The following FHIT variants were observed in gnomAD, a reference collection of about 807,000 sequenced individuals.
FHIT encodes the protein bis(5'-adenosyl)-triphosphatase.
A neutral mutation model predicts 17.9 loss-of-function variants in FHIT; 19 were observed. The ratio of observed to expected loss-of-function variants is 1.06; its 90% CI spans 0.74 to 1.56. FHIT has a LOEUF of 1.56. Among genes scored for constraint, FHIT ranks in the 40% most tolerant of loss-of-function variants. The pLI, the probability that FHIT is intolerant of heterozygous loss-of-function variation, is 0.00. For missense variants in FHIT, 248 were observed against 189.2 expected (o/e 1.31, Z -1.82); for synonymous variants, 81 against 69.7 (o/e 1.16, Z -0.81).
chr3:60,603,497 A>C (rs1340163011), intron 4 of FHIT, among the ~76,000 whole-genome samples: 1 of 151,814 alleles, frequency 6.6e-6, no homozygotes, highest in Non-Finnish European at 1.5e-5. Flanking sequence ...AACTGTTCAG[A>C]GGGTATTTCT....
intron 5 of FHIT, among the ~76,000 whole-genome samples, chr3:60,402,961 G>A (rs1559885691): frequency 1.3e-5 from 2 of 152,168 alleles, no homozygotes; most frequent in Admixed American, 6.5e-5. Context: ...CCTTTGTACA[G>A]TCATGCTCAT....
chr3:59,859,989 A>C (rs963659082), intron 8 of FHIT, among the ~76,000 whole-genome samples: 1 of 152,184 alleles, frequency 6.6e-6, no homozygotes. Flanking sequence ...AGAGTGATGG[A>C]GCATCATATC....
At chr3:60,377,390 C>T (rs890852917) in intron 5 of FHIT, among the ~76,000 whole-genome samples, 11 of 149,418 alleles carry the variant, frequency 7.4e-5, no homozygotes, top group Middle Eastern at 3.5e-3. Context: ...ATCTCTTGAC[C>T]TTGTGATCCT....
intron 4 of FHIT, among the ~76,000 whole-genome samples, chr3:60,707,204 T>C (rs1450266652): frequency 3.3e-5 from 5 of 152,164 alleles, no homozygotes. Flanking sequence ...TCTGCAAACC[T>C]TTTGCATACA....
At chr3:60,711,559 C>G (rs892106670) in intron 4 of FHIT, among the ~76,000 whole-genome samples, 1 of 152,114 alleles carries the variant, frequency 6.6e-6, no homozygotes, top group African/African-American at 2.4e-5. Context: ...ACTAGAATAA[C>G]CAATACAGAG....
intron 8 of FHIT, among the ~76,000 whole-genome samples, chr3:59,812,092 A>C (rs1194907997): frequency 2.0e-5 from 3 of 152,098 alleles, no homozygotes; most frequent in African/African-American, 7.2e-5. Flanking sequence ...TTTGATTGTC[A>C]TAACTGGTGG....
At chr3:61,130,002 CAGAA>C (rs1317788993) in intron 2 of FHIT, among the ~76,000 whole-genome samples, 1 of 152,010 alleles carries the variant, frequency 6.6e-6, no homozygotes, top group Non-Finnish European at 1.5e-5. Context: ...CTAGAAATTC[CAGAA>C]AATGTGTATT....
intron 5 of FHIT, among the ~76,000 whole-genome samples, chr3:60,103,651 A>G (rs962223137): frequency 1.3e-5 from 2 of 152,188 alleles, no homozygotes; most frequent in African/African-American, 4.8e-5. Context: ...TTACCCTTGT[A>G]CGGAGAAGGC....
At chr3:60,577,039 T>C (rs797037841) in intron 4 of FHIT, among the ~76,000 whole-genome samples, 4 of 151,906 alleles carry the variant, frequency 2.6e-5, no homozygotes, top group African/African-American at 9.7e-5. Flanking sequence ...CACCTTAAAA[T>C]AGAGATCTAA....
intron 4 of FHIT, among the ~76,000 whole-genome samples, chr3:60,713,694 C>T (rs1404757607): frequency 6.6e-6 from 1 of 152,152 alleles, no homozygotes; most frequent in African/African-American, 2.4e-5. Flanking sequence ...TGGATAAATT[C>T]CTCGACACAT....
chr3:61,098,567 T>A (rs1328515291), intron 2 of FHIT, among the ~76,000 whole-genome samples: 2 of 152,250 alleles, frequency 1.3e-5, no homozygotes, highest in African/African-American at 4.8e-5. Flanking sequence ...ATGATATTTA[T>A]TCTTCCTATC....
chr3:60,159,709 G>C (rs1280455817), intron 5 of FHIT, among the ~76,000 whole-genome samples: 5 of 152,144 alleles, frequency 3.3e-5, no homozygotes, highest in Non-Finnish European at 7.3e-5. Flanking sequence ...CTACATGGTA[G>C]ATGCTAGAAT....
chr3:60,470,730 G>T (rs1456370929), intron 5 of FHIT, among the ~76,000 whole-genome samples: 1 of 152,014 alleles, frequency 6.6e-6, no homozygotes, highest in Admixed American at 6.6e-5. Context: ...TACCCAAGCG[G>T]CAAGATAAAG....
At chr3:60,772,253 T>G (rs1443970567) in intron 4 of FHIT, among the ~76,000 whole-genome samples, 1 of 144,062 alleles carries the variant, frequency 6.9e-6, no homozygotes, top group African/African-American at 2.6e-5. Flanking sequence ...GCATCCAGAT[T>G]ATCACTGAGA....
intron 5 of FHIT, among the ~76,000 whole-genome samples, chr3:60,283,378 A>G (rs1707559934): frequency 6.6e-6 from 1 of 152,122 alleles, no homozygotes; most frequent in African/African-American, 2.4e-5. Context: ...TATCATTAAA[A>G]ATATGTAACT....
chr3:60,133,404 A>G (rs1699680962), intron 5 of FHIT, among the ~76,000 whole-genome samples: 2 of 152,160 alleles, frequency 1.3e-5, no homozygotes, highest in Non-Finnish European at 2.9e-5. Context: ...TCCTGCCTGG[A>G]GGGGTAGAGC....
intron 3 of FHIT, among the ~76,000 whole-genome samples, chr3:60,857,456 CT>C (rs1236135339): frequency 2.0e-5 from 3 of 152,086 alleles, no homozygotes; most frequent in Non-Finnish European, 2.9e-5. Flanking sequence ...CCCTATAAAC[CT>C]TAGTTTCCTC....
At chr3:60,939,183 T>C (rs1232585802) in intron 3 of FHIT, among the ~76,000 whole-genome samples, 1 of 152,202 alleles carries the variant, frequency 6.6e-6, no homozygotes, top group African/African-American at 2.4e-5. Context: ...AGGGCTCATA[T>C]ACAGTTTTCC....
intron 1 of FHIT, among the ~76,000 whole-genome samples, chr3:61,243,262 C>T (rs1315909972): frequency 1.3e-5 from 2 of 152,158 alleles, no homozygotes; most frequent in Non-Finnish European, 2.9e-5. Flanking sequence ...TTAGGGTCTT[C>T]ACTTCTTTTC....
Sources: allele counts gnomAD v4.1 joint callset (sites outside exome capture counted in the v4.1 genomes callset), GRCh38; gene constraint gnomAD v4.1.1; transcripts MANE v1.5; gene names NCBI Gene and HGNC (gene_info 2026-07-23, HGNC 2026-07-21).